Variants in SPATA45 observed in about 807,000 individuals in gnomAD.
SPATA45 encodes spermatogenesis associated 45, also known as spermatogenesis-associated protein 45.
SPATA45 carries 5 observed loss-of-function variants against 7.0 expected under a neutral mutation model. The ratio of observed to expected loss-of-function variants is 0.71; its 90% CI spans 0.37 to 1.50. SPATA45 has a LOEUF of 1.50. Ranked by LOEUF, SPATA45 falls within the 40% of genes most tolerant of loss-of-function variation. The pLI is 0.03. For missense variants in SPATA45, 111 were observed against 114.9 expected (o/e 0.97, Z 0.16); for synonymous variants, 40 against 38.7 (o/e 1.03, Z -0.13).
rs770411655 is a variant in SPATA45, at chr1:212,835,862, T to C, written c.277+11A>G. ...AAAAAAAAAAAAAAAAATCCTATGA[T>C]AACTTCTTACTTTTTGGTGGAAAGT... On this transcript the variant is annotated intron_variant, in intron 2 of 2. Coordinates refer to ENST00000332912, the MANE Select transcript of SPATA45 (RefSeq NM_001024601.3). 5 of 1,567,210 alleles carry C rather than the reference T, an allele frequency of 3.2e-6. No homozygotes were observed. In the East Asian group the frequency reaches 6.7e-5, roughly 21 times the overall value.
intron 1 of SPATA45, among the ~76,000 whole-genome samples, chr1:212,837,247 A>C (rs4951643): frequency 0.47 from 70,963 of 149,422 alleles, 18,723 homozygotes; most frequent in Non-Finnish European, 0.58. Flanking sequence ...AGAAAAAGAT[A>C]AAGTAGAAAA....
intron 2 of SPATA45, among the ~76,000 whole-genome samples, chr1:212,831,122 A>G (rs915497852): frequency 1.3e-5 from 2 of 150,392 alleles, no homozygotes; most frequent in Non-Finnish European, 3.0e-5. Flanking sequence ...CCTGTGACAA[A>G]GTGACAGAGT....
In SPATA45 at chr1:212,841,631, C is replaced by CTTTTT. The variant is rs5780702; in HGVS notation, c.-38-5449_-38-5445dup. ...AAATAAGCAAAGAAGAGGTATCTTT[C>CTTTTT]TTTTTTTTTTTTTTTTTTTTCTTTT... On this transcript the variant is annotated intron_variant, in intron 1 of 2. Coordinates refer to ENST00000332912, the MANE Select transcript of SPATA45 (RefSeq NM_001024601.3). Among the ~76,000 whole-genome samples, 159 of 125,202 alleles carry CTTTTT rather than the reference C, an allele frequency of 1.3e-3. 1 individual carries two copies. Among genetic ancestry groups the CTTTTT allele is most frequent in the East Asian group, 1.8e-3 (8 of 4,326 alleles). 82.1% of individuals were successfully genotyped at this position (125,202 alleles called of 152,430 possible).
intron 1 of SPATA45, among the ~76,000 whole-genome samples, chr1:212,845,412 C>T (rs1013355653): frequency 1.2e-4 from 19 of 152,174 alleles, no homozygotes; most frequent in African/African-American, 4.1e-4. Context: ...GAGGCCTTTC[C>T]CTCAGGGTCT....
chr1:212,836,172 A>G lies in SPATA45; in HGVS notation c.-23T>C. On this transcript the variant is annotated 5_prime_UTR_variant, in exon 2 of 3. Coordinates refer to ENST00000332912, the MANE Select transcript of SPATA45 (RefSeq NM_001024601.3). ...CATTATGGTCACAAACCAATTGTCA[A>G]GTGATTCTTGCTGTCCTACAAACAA... 6.3e-7 allele frequency: 1 copy of G among 1,579,462 alleles called. No homozygotes were observed. Among genetic ancestry groups the G allele is most frequent in the East Asian group, 2.2e-5 (1 of 44,496 alleles).
At chr1:212,838,380 A>G (rs1663625194) in intron 1 of SPATA45, among the ~76,000 whole-genome samples, 1 of 151,546 alleles carries the variant, frequency 6.6e-6, no homozygotes, top group Admixed American at 6.6e-5. Flanking sequence ...AGATATCACT[A>G]CATACCACTA....
intron 2 of SPATA45, among the ~76,000 whole-genome samples, chr1:212,833,503 C>CAAAAAAAAAAAAA (rs35760900): frequency 9.2e-6 from 1 of 108,728 alleles, no homozygotes; most frequent in Non-Finnish European, 1.9e-5. Flanking sequence ...TACTAAAATA[C>CAAAAAAAAAAAAA]AAAAAAAAAA....
intron 1 of SPATA45, among the ~76,000 whole-genome samples, chr1:212,844,186 T>A (rs1432666664): frequency 6.6e-6 from 1 of 152,222 alleles, no homozygotes; most frequent in Non-Finnish European, 1.5e-5. Context: ...TTAGCCCTCA[T>A]GTCTGTGTGC....
At chr1:212,834,935 A>C (rs1278058168) in intron 2 of SPATA45, among the ~76,000 whole-genome samples, 1 of 151,654 alleles carries the variant, frequency 6.6e-6, no homozygotes, top group Admixed American at 6.6e-5. Flanking sequence ...TTCTCAGGCC[A>C]TTGGCATCAG....
At chr1:212,843,249 C>G in intron 1 of SPATA45, among the ~76,000 whole-genome samples, 1 of 151,248 alleles carries the variant, frequency 6.6e-6, no homozygotes, top group Non-Finnish European at 1.5e-5. Flanking sequence ...AAGACCGCAC[C>G]ATTGCACTCC....
intron 1 of SPATA45, among the ~76,000 whole-genome samples, chr1:212,843,383 G>A (rs1255515001): frequency 6.6e-6 from 1 of 151,918 alleles, no homozygotes; most frequent in Non-Finnish European, 1.5e-5. Context: ...TAAATACCAA[G>A]AGCTTAATAC....
At chr1:212,846,573 G>A (rs1328861023) in intron 1 of SPATA45, among the ~76,000 whole-genome samples, 1 of 152,080 alleles carries the variant, frequency 6.6e-6, no homozygotes, top group Non-Finnish European at 1.5e-5. Context: ...CCTTAAGAAG[G>A]TACTTTGTAA....
chr1:212,838,245 G>A (rs887416379), intron 1 of SPATA45, among the ~76,000 whole-genome samples: 3 of 150,930 alleles, frequency 2.0e-5, no homozygotes, highest in Non-Finnish European at 4.4e-5. Flanking sequence ...GCGAGGTTGC[G>A]GTGAGTCAAG....
intron 1 of SPATA45, among the ~76,000 whole-genome samples, chr1:212,838,855 C>A (rs1224383921): frequency 6.6e-6 from 1 of 151,258 alleles, no homozygotes; most frequent in Non-Finnish European, 1.5e-5. Context: ...CGCAGGCCAC[C>A]ACACCTGGCT....
intron 2 of SPATA45, among the ~76,000 whole-genome samples, 166 bp downstream of exon 2, chr1:212,835,707 G>A (rs971357155): frequency 3.3e-5 from 5 of 150,110 alleles, no homozygotes; most frequent in African/African-American, 1.2e-4. Context: ...GTGGTGGCAG[G>A]TGCCTGTATT....
Position 212,830,620 on chromosome 1 carries a change from C to G in SPATA45, c.278-359G>C, listed in dbSNP as rs576282042. Reference sequence around the variant, plus strand: ...CCAGGAGGCGGAACGTGCAGTGAGCCGAGATCACACCACTGCACTCCAGCC... The same window carrying G: ...CCAGGAGGCGGAACGTGCAGTGAGCGGAGATCACACCACTGCACTCCAGCC... On this transcript the variant is annotated intron_variant, in intron 2 of 2. Coordinates refer to ENST00000332912, the MANE Select transcript of SPATA45 (RefSeq NM_001024601.3). 5.7e-4 allele frequency among the ~76,000 whole-genome samples: 84 copies of G among 147,914 alleles called. 2 individuals carry two copies. Among genetic ancestry groups the G allele is most frequent in the African/African-American group, 2.1e-3 (84 of 40,246 alleles).
chr1:212,833,431 G>T (rs762566167), intron 2 of SPATA45, among the ~76,000 whole-genome samples: 2 of 150,662 alleles, frequency 1.3e-5, no homozygotes, highest in Non-Finnish European at 3.0e-5. Context: ...GGCCGAGATG[G>T]GTGGATCACT....
intron 2 of SPATA45, 85 bp from the exon 3 acceptor site, chr1:212,830,346 A>G: frequency 1.2e-6 from 1 of 803,400 alleles, no homozygotes; most frequent in South Asian, 1.7e-5. Context: ...AGGGCAGAGT[A>G]TTGTTTTTCA....
At chr1:212,837,389 G>A (rs905118374) in intron 1 of SPATA45, among the ~76,000 whole-genome samples, 8 of 149,178 alleles carry the variant, frequency 5.4e-5, no homozygotes, top group Admixed American at 1.3e-4. Context: ...ATCCCAGCAC[G>A]TTGGGAGGCC....
Sources: gnomAD v4.1 joint callset for allele counts (sites outside exome capture counted in the v4.1 genomes callset) on GRCh38, gnomAD v4.1.1 for gene constraint, MANE v1.5 for transcripts, NCBI Gene and HGNC (gene_info 2026-07-23, HGNC 2026-07-21) for gene names.